SYNPO2: variants seen among roughly 807,000 people sequenced by gnomAD.
The protein encoded by SYNPO2 is synaptopodin-2.
Under a neutral mutation model 85.0 loss-of-function variants are expected in SYNPO2, and 56 were observed. The observed-to-expected ratio is 0.66, with a 90% CI of 0.53 to 0.82. SYNPO2 has a LOEUF of 0.82. Among genes scored for constraint, SYNPO2 ranks in the 40% least tolerant of loss-of-function variants. The pLI, the probability that SYNPO2 is intolerant of heterozygous loss-of-function variation, is 0.00. For synonymous variants in SYNPO2, 602 were observed against 591.1 expected, an observed-to-expected ratio of 1.02 and a Z score of -0.27; for missense variants, 1,575 against 1,534.2, an observed-to-expected ratio of 1.03 and a Z score of -0.44.
At chr4:118,858,135 GGT>G (rs1166096076) in intron 1 of SYNPO2, among the ~76,000 whole-genome samples, 1 of 152,136 alleles carries the variant, frequency 6.6e-6, no homozygotes, top group African/African-American at 2.4e-5. Context: ...TAGAGAAGAT[GGT>G]GACACTGCCT....
At chr4:118,863,072 G>T (rs1049778080) in intron 1 of SYNPO2, among the ~76,000 whole-genome samples, 1 of 152,176 alleles carries the variant, frequency 6.6e-6, no homozygotes, top group Non-Finnish European at 1.5e-5. Flanking sequence ...GCCTTCCAAA[G>T]TGCTGGGATT....
At chr4:118,917,389 C>A (rs1302933112) in intron 1 of SYNPO2, among the ~76,000 whole-genome samples, 2 of 151,916 alleles carry the variant, frequency 1.3e-5, no homozygotes, top group African/African-American at 4.8e-5. Flanking sequence ...GAAACTCCAT[C>A]TCGAACAGAA....
intron 1 of SYNPO2, among the ~76,000 whole-genome samples, chr4:118,855,999 C>G (rs1731497875): frequency 6.6e-6 from 1 of 152,148 alleles, no homozygotes; most frequent in African/African-American, 2.4e-5. Context: ...CTCATCAGAA[C>G]TCCCAGAAAA....
chr4:119,015,403 T>C (rs1303160070), intron 1 of SYNPO2, among the ~76,000 whole-genome samples: 2 of 152,214 alleles, frequency 1.3e-5, no homozygotes, highest in Non-Finnish European at 2.9e-5. Context: ...AATAAATGGA[T>C]TCATCTAGTT....
chr4:118,909,323 T>A (rs1204680727), intron 1 of SYNPO2, among the ~76,000 whole-genome samples: 1 of 152,126 alleles, frequency 6.6e-6, no homozygotes, highest in African/African-American at 2.4e-5. Context: ...ATAGGGCTGG[T>A]CCTGAGTAAG....
chr4:118,853,760 C>T (rs1287032397), intron 1 of SYNPO2, among the ~76,000 whole-genome samples: 1 of 152,070 alleles, frequency 6.6e-6, no homozygotes, highest in Non-Finnish European at 1.5e-5. Context: ...CCAATTATGC[C>T]ATGGCCTGTG....
chr4:118,905,430 A>ATG (rs1358733968), intron 1 of SYNPO2, among the ~76,000 whole-genome samples: 519 of 116,666 alleles, frequency 4.4e-3, no homozygotes, highest in African/African-American at 0.013. Flanking sequence ...GTGGTACCTG[A>ATG]TGTGTGTGTG....
chr4:118,983,782 C>T (rs376629228), intron 1 of SYNPO2, among the ~76,000 whole-genome samples: 3 of 50,008 alleles, frequency 6.0e-5, no homozygotes, highest in East Asian at 1.2e-3. Context: ...TAACAAGCTA[C>T]GTGCCTGCCC....
At chr4:118,976,093 T>C (rs112836398) in intron 1 of SYNPO2, among the ~76,000 whole-genome samples, 8,933 of 152,304 alleles carry the variant, frequency 0.059, 385 homozygotes, top group Non-Finnish European at 0.084. Context: ...AATTGGTGGG[T>C]TCTTGGTCTC....
chr4:118,983,658 A>G (rs1365943573), intron 1 of SYNPO2, among the ~76,000 whole-genome samples: 1 of 152,106 alleles, frequency 6.6e-6, no homozygotes, highest in Admixed American at 6.5e-5. Context: ...TTCCTCCTTG[A>G]TATAAGAATT....
intron 4 of SYNPO2, chr4:119,035,114 C>T (rs567945890): frequency 1.0e-6 from 1 of 985,430 alleles, no homozygotes; most frequent in South Asian, 4.7e-5. Flanking sequence ...AAATCCACTG[C>T]ATGGTTTAAA....
At chr4:119,022,826 G>C (rs1295048296) in intron 1 of SYNPO2, among the ~76,000 whole-genome samples, 1 of 149,158 alleles carries the variant, frequency 6.7e-6, no homozygotes, top group East Asian at 2.0e-4. Context: ...GCCCAGGCTG[G>C]AGTACAATGG....
chr4:118,905,454 G>GTGTC (rs1359090507), intron 1 of SYNPO2, among the ~76,000 whole-genome samples: 1 of 151,870 alleles, frequency 6.6e-6, no homozygotes, highest in East Asian at 1.9e-4. Flanking sequence ...GTGTGTGTGT[G>GTGTC]TGTGTGTCTG....
chr4:118,943,444 A>G (rs17327171), intron 1 of SYNPO2, among the ~76,000 whole-genome samples: 28,774 of 152,210 alleles, frequency 0.19, 3,238 homozygotes, highest in Middle Eastern at 0.28. Context: ...GTTAAAAGGT[A>G]TGACTAAATT....
intron 1 of SYNPO2, among the ~76,000 whole-genome samples, chr4:118,871,972 A>G (rs1198328294): frequency 6.6e-6 from 1 of 152,214 alleles, no homozygotes; most frequent in Non-Finnish European, 1.5e-5. Context: ...TTTAGTCTGG[A>G]AAACATCTTT....
At chr4:118,869,247 G>A (rs2017576) in intron 1 of SYNPO2, among the ~76,000 whole-genome samples, 84,013 of 151,666 alleles carry the variant, frequency 0.55, 26,536 homozygotes, top group Admixed American at 0.69. Flanking sequence ...TAGTAGAGTC[G>A]GGGTTTCTCT....
intron 4 of SYNPO2, chr4:119,036,772 A>G (rs1435644554): frequency 2.0e-6 from 2 of 997,574 alleles, no homozygotes; most frequent in African/African-American, 1.7e-5. Flanking sequence ...TGTGGTATGT[A>G]TATTTGTACA....
intron 1 of SYNPO2, among the ~76,000 whole-genome samples, chr4:118,851,510 C>T (rs970567685): frequency 6.6e-6 from 1 of 151,842 alleles, no homozygotes; most frequent in Admixed American, 6.6e-5. Context: ...AAAACAAAAA[C>T]GAAGATTGAG....
intron 1 of SYNPO2, among the ~76,000 whole-genome samples, chr4:119,008,677 A>T (rs1242930786): frequency 6.6e-6 from 1 of 152,206 alleles, no homozygotes; most frequent in Non-Finnish European, 1.5e-5. Context: ...AGATTATAAA[A>T]GTTCATCTCA....
Sources: allele counts gnomAD v4.1 joint callset (sites outside exome capture counted in the v4.1 genomes callset), GRCh38; gene constraint gnomAD v4.1.1; transcripts MANE v1.5; gene names NCBI Gene and HGNC (gene_info 2026-07-23, HGNC 2026-07-21).